Variants in NUMB observed in about 807,000 individuals in gnomAD.
The protein encoded by NUMB is NUMB endocytic adaptor protein.
Under a neutral mutation model 59.7 loss-of-function variants are expected in NUMB, and 29 were observed. The observed-to-expected ratio is 0.49, with a 90% CI of 0.36 to 0.66. The LOEUF is 0.66. NUMB is among the 30% of genes least tolerant of loss of function. NUMB has a pLI of 0.00. For synonymous variants in NUMB, 288 were observed against 288.2 expected, an observed-to-expected ratio of 1.00 and a Z score of 0.01; for missense variants, 723 against 822.0, an observed-to-expected ratio of 0.88 and a Z score of 1.47.
rs938993629 is a variant in NUMB at position 73,421,374 on chromosome 14, G to A, written c.-232-11306C>T. On this transcript the variant is annotated intron_variant, in intron 1 of 12. Transcript: ENST00000555238. ...TAATTTTTGTATTTTTAGTAGAGAC[G>A]GGGTTTCACCATGTTGCCCAGGCTG... Among the ~76,000 whole-genome samples the A allele has an allele frequency of 2.6e-5, 4 of 151,926 alleles. No individual in the cohort carries two copies. The South Asian group carries it at 6.2e-4, about 24-fold the overall frequency.
intron 9 of NUMB, chr14:73,285,474 T>G (rs548269454): frequency 6.6e-6 from 1 of 152,128 alleles, no homozygotes; most frequent in South Asian, 2.1e-4. Context: ...GCATGATTTT[T>G]CCCCCCTTTG....
At chr14:73,320,219 G>A (rs1232920300) in intron 5 of NUMB, among the ~76,000 whole-genome samples, 1 of 152,140 alleles carries the variant, frequency 6.6e-6, no homozygotes, top group African/African-American at 2.4e-5. Context: ...TCAATTTCAT[G>A]TTTTAATAAT....
chr14:73,394,865 TG>T (rs1896040752), intron 2 of NUMB, among the ~76,000 whole-genome samples: 4 of 152,324 alleles, frequency 2.6e-5, no homozygotes, highest in African/African-American at 9.6e-5. Context: ...TATTCTTTCA[TG>T]TTTATATTCA....
intron 2 of NUMB, among the ~76,000 whole-genome samples, chr14:73,401,284 C>T (rs1896398799): frequency 6.6e-6 from 1 of 151,888 alleles, no homozygotes; most frequent in Non-Finnish European, 1.5e-5. Context: ...GGAATGTTGA[C>T]AGTAAGAAAG....
intron 4 of NUMB, among the ~76,000 whole-genome samples, chr14:73,330,529 GACTTGTCTGTGTATT>G (rs1006309093): frequency 6.6e-6 from 1 of 152,132 alleles, no homozygotes; most frequent in Admixed American, 6.5e-5. Flanking sequence ...CAAATTACAC[GACTTGTCTGTGTATT>G]ACTTGTCTGT....
intron 1 of NUMB, among the ~76,000 whole-genome samples, chr14:73,423,300 G>A (rs1410583764): frequency 2.7e-5 from 4 of 148,812 alleles, no homozygotes; most frequent in East Asian, 4.0e-4. Context: ...AGGAGTTCAC[G>A]ACCAGCCTGG....
At chr14:73,278,058 A>AAAC (rs1555367154) in intron 12 of NUMB, among the ~76,000 whole-genome samples, 140 of 150,688 alleles carry the variant, frequency 9.3e-4, no homozygotes, top group Non-Finnish European at 1.5e-3. Flanking sequence ...AAAAAAAAAA[A>AAAC]AAAAAAAAAA....
At chr14:73,326,929 C>CAT (rs1891691869) in intron 4 of NUMB, among the ~76,000 whole-genome samples, 1 of 152,066 alleles carries the variant, frequency 6.6e-6, no homozygotes, top group African/African-American at 2.4e-5. Flanking sequence ...GTCATACACA[C>CAT]AGCTAGTCAG....
intron 1 of NUMB, among the ~76,000 whole-genome samples, chr14:73,412,632 GAAAAAAAA>G (rs1180955520): frequency 4.3e-5 from 4 of 92,488 alleles, no homozygotes; most frequent in African/African-American, 1.2e-4. Context: ...CGTCTCAAAA[GAAAAAAAA>G]AAAAAAAAAA....
chr14:73,279,497 C>G (rs373829131), intron 11 of NUMB, 73 bp from the exon 12 acceptor site: 1 of 1,424,320 alleles, frequency 7.0e-7, no homozygotes, highest in African/African-American at 1.4e-5. Flanking sequence ...GGAGCTGTGT[C>G]AGTCAGGTGA....
rs79774744 is a variant in NUMB at position 73,406,097 on chromosome 14, T to TG, written c.-101+3839_-101+3840insC. On this transcript the variant is annotated intron_variant, in intron 2 of 12. Coordinates refer to ENST00000555238, the MANE Select transcript of NUMB (RefSeq NM_001005743.2). ...CAGAATATTAACATATTTTTGTTTT[T>TG]TTTTTTTTTTATTATACTTTAAGTT... Among the ~76,000 whole-genome samples, 218 of 106,166 alleles carry TG rather than the reference T, an allele frequency of 2.1e-3. 1 individual carries two copies. The highest frequency in any genetic ancestry group is 0.015 in the South Asian group (50 of 3,360). 69.6% of individuals were successfully genotyped at this position (106,166 alleles called of 152,430 possible). A position where few individuals can be genotyped will look rare whatever the true frequency, so the allele number is the denominator to read the frequency against.
At chr14:73,295,123 A>G (rs1273836494) in intron 7 of NUMB, among the ~76,000 whole-genome samples, 2 of 147,170 alleles carry the variant, frequency 1.4e-5, no homozygotes, top group Admixed American at 6.8e-5. Flanking sequence ...ATGAGTTGAG[A>G]GGTGGGATAG....
chr14:73,279,290 T>G lies in NUMB; in HGVS notation c.1231A>C (p.Thr411Pro). 6.2e-7 allele frequency: 1 copy of G among 1,614,194 alleles called. No individual in the cohort carries two copies. The highest frequency in any genetic ancestry group is 8.5e-7 in the Non-Finnish European group (1 of 1,180,002). Residue 411 changes from threonine to proline, a missense_variant, in exon 12 of 13, where the codon ACA becomes CCA. By Grantham distance (38) the Thr-to-Pro change is conservative (BLOSUM62 -1). Coordinates refer to ENST00000555238, the MANE Select transcript of NUMB (RefSeq NM_001005743.2). ...TCTGTGGCCACCTTACCCGAACATG[T>G]GGCTGCAATTTCCTTGTTAGCAGCA... ...PDAANKEIAA[T>P]CSGTEWGQSS...
At chr14:73,329,550 T>C (rs968779158) in intron 4 of NUMB, among the ~76,000 whole-genome samples, 2 of 152,222 alleles carry the variant, frequency 1.3e-5, no homozygotes, top group Non-Finnish European at 2.9e-5. Context: ...GTTGACTCTA[T>C]GGATGCGGAG....
chr14:73,279,854 C>T (rs1436087890), intron 11 of NUMB, among the ~76,000 whole-genome samples: 1 of 152,138 alleles, frequency 6.6e-6, no homozygotes, highest in Non-Finnish European at 1.5e-5. Flanking sequence ...ATTATGTTAA[C>T]AATAATACTG....
chr14:73,403,801 C>CAA (rs368146105), intron 2 of NUMB, among the ~76,000 whole-genome samples: 1 of 150,088 alleles, frequency 6.7e-6, no homozygotes, highest in African/African-American at 2.4e-5. Flanking sequence ...ATTAAAAATA[C>CAA]AAAAAAAAAG....
chr14:73,430,777 T>TA (rs200427180), intron 1 of NUMB, among the ~76,000 whole-genome samples: 7,749 of 151,364 alleles, frequency 0.051, 636 homozygotes, highest in African/African-American at 0.18. Context: ...CCGTCTCTAC[T>TA]AGAAAAAAAT....
intron 2 of NUMB, among the ~76,000 whole-genome samples, chr14:73,389,860 C>T (rs1404498738): frequency 1.3e-5 from 2 of 152,100 alleles, no homozygotes; most frequent in Non-Finnish European, 2.9e-5. Context: ...CTATCAGAAA[C>T]ACACAGGTTA....
chr14:73,343,285 TG>T (rs1279806788), intron 4 of NUMB, among the ~76,000 whole-genome samples: 1 of 152,054 alleles, frequency 6.6e-6, no homozygotes, highest in Non-Finnish European at 1.5e-5. Flanking sequence ...AGAGACAGAT[TG>T]GAAGCAAGAG....
Sources: gnomAD v4.1 joint callset for allele counts (sites outside exome capture counted in the v4.1 genomes callset) on GRCh38, gnomAD v4.1.1 for gene constraint, MANE v1.5 for transcripts, NCBI Gene and HGNC (gene_info 2026-07-23, HGNC 2026-07-21) for gene names.